Variants in PLA2G6 observed in about 807,000 individuals in gnomAD.
The protein encoded by PLA2G6 is phospholipase A2 group VI.
PLA2G6 carries 62 observed loss-of-function variants against 83.8 expected under a neutral mutation model. The ratio of observed to expected loss-of-function variants is 0.74; its 90% CI spans 0.60 to 0.91. The LOEUF (loss-of-function observed/expected upper bound fraction) is 0.91, where lower values mean the gene tolerates loss of function less well. Among genes scored for constraint, PLA2G6 ranks in the 40% least tolerant of loss-of-function variants. The pLI is 0.00. For missense variants in PLA2G6, 944 were observed against 1,102.0 expected (o/e 0.86, Z 2.03); for synonymous variants, 417 against 449.8 (o/e 0.93, Z 0.92).
intron 2 of PLA2G6, among the ~76,000 whole-genome samples, chr22:38,159,669 G>A (rs1054538442): frequency 6.6e-6 from 1 of 151,896 alleles, no homozygotes; most frequent in African/African-American, 2.4e-5. Flanking sequence ...AGTTGAGGCT[G>A]CAGTGAGCCA....
rs757162306 is a variant in PLA2G6 at position 38,113,622 on chromosome 22, G to A, written c.2067C>T (p.Ile689=). Residue 689 remains isoleucine, a synonymous_variant, in exon 15 of 17, where the codon ATC becomes ATT. Coordinates refer to ENST00000332509, the MANE Select transcript of PLA2G6 (RefSeq NM_003560.4). ...ACCTCCCTGTCCCCAGGGAGACAAC[G>A]ATGGAGAGTTTCTTCACCTTGTTGG... ...GQANKVKKLS[I]VVSLGTGRSP... is the part of the protein sequence containing the mutation. 5.6e-6 allele frequency: 9 copies of A among 1,613,830 alleles called. No individual in the cohort carries two copies. The highest frequency in any genetic ancestry group is 3.3e-5 in the South Asian group (3 of 91,088).
intron 2 of PLA2G6, 126 bp from the exon 3 acceptor site, chr22:38,145,779 A>C: frequency 6.4e-6 from 4 of 626,074 alleles, no homozygotes; most frequent in East Asian, 3.0e-5. Flanking sequence ...CTCCCCTCCC[A>C]AGCAAACACA....
chr22:38,148,459 G>A (rs2089388484), intron 2 of PLA2G6: 3 of 714,388 alleles, frequency 4.2e-6, no homozygotes, highest in Non-Finnish European at 7.8e-6. Flanking sequence ...CTGCTGGCAG[G>A]CACTGGATAC....
chr22:38,126,583 TG>T, intron 9 of PLA2G6, 134 bp from the exon 10 acceptor site: 1 of 695,842 alleles, frequency 1.4e-6, no homozygotes, highest in Non-Finnish European at 2.6e-6. Context: ...CCCTGTCATC[TG>T]TCCCTTCCCC....
intron 2 of PLA2G6, chr22:38,163,703 G>C (rs1050107659): frequency 5.9e-6 from 1 of 169,338 alleles, no homozygotes; most frequent in Non-Finnish European, 1.5e-5. Context: ...GCCGTGTCGG[G>C]GACAAGGCCT....
At chr22:38,159,565 C>CA (rs1174999393) in intron 2 of PLA2G6, among the ~76,000 whole-genome samples, 1 of 151,998 alleles carries the variant, frequency 6.6e-6, no homozygotes. Context: ...CGTGTCTCTA[C>CA]AAAAAATTTT....
chr22:38,151,901 A>G (rs2089579131), intron 2 of PLA2G6, among the ~76,000 whole-genome samples: 1 of 152,290 alleles, frequency 6.6e-6, no homozygotes. Flanking sequence ...AAGAAGACAC[A>G]ATCTTGATTA....
At chr22:38,127,062 G>A (rs11570705) in intron 9 of PLA2G6, 23 of 1,091,512 alleles carry the variant, frequency 2.1e-5, no homozygotes, top group Admixed American at 1.3e-4. Context: ...CCTGCCTGAC[G>A]TCCACCCAAC....
intron 8 of PLA2G6, 67 bp downstream of exon 8, chr22:38,129,387 C>G (rs1033599478): frequency 1.7e-5 from 19 of 1,118,444 alleles, no homozygotes; most frequent in Non-Finnish European, 2.6e-5. Context: ...TGGGACTTCC[C>G]TCCTCCTCGG....
At chr22:38,124,070 T>A (rs550847801) in intron 10 of PLA2G6, among the ~76,000 whole-genome samples, 245 of 152,160 alleles carry the variant, frequency 1.6e-3, no homozygotes, top group African/African-American at 5.5e-3. Context: ...CCCGACCTCA[T>A]GTGATCCGCC....
rs764002301 is a variant in PLA2G6, at chr22:38,120,932, C to T, written c.1592-23G>A. 5.1e-5 allele frequency: 82 copies of T among 1,611,786 alleles called. No individual in the cohort carries two copies. In the East Asian group the frequency reaches 1.4e-3, roughly 28 times the overall value. Reference sequence around the variant, plus strand: ...TACCTAGGAACAAAGGGGTCAGAGGCGGGGAGATGCAGCGGCCACACGCAG... The same window carrying T: ...TACCTAGGAACAAAGGGGTCAGAGGTGGGGAGATGCAGCGGCCACACGCAG... On this transcript the variant is annotated intron_variant, in intron 11 of 16. Transcript: ENST00000332509.
At chr22:38,160,804 C>T (rs1369906076) in intron 2 of PLA2G6, among the ~76,000 whole-genome samples, 3 of 151,928 alleles carry the variant, frequency 2.0e-5, no homozygotes, top group African/African-American at 7.3e-5. Flanking sequence ...GAGATTGCGC[C>T]ACCGCACTCC....
chr22:38,176,037 G>C (rs373101142), intron 1 of PLA2G6, among the ~76,000 whole-genome samples: 2 of 152,062 alleles, frequency 1.3e-5, no homozygotes, highest in Non-Finnish European at 2.9e-5. Context: ...TCTCCACAAC[G>C]GATAGGGAAA....
intron 2 of PLA2G6, 178 bp from the exon 3 acceptor site, chr22:38,145,831 A>ACACACACACACACC (rs1318610641): frequency 3.3e-6 from 2 of 601,240 alleles, no homozygotes; most frequent in African/African-American, 3.9e-5. Flanking sequence ...ACACACACAC[A>ACACACACACACACC]CACCCCTATA....
chr22:38,112,300 T>A lies in PLA2G6; in HGVS notation c.2282A>T (p.Asn761Ile). The A allele has an allele frequency of 6.2e-7, 1 of 1,613,180 alleles. No homozygotes were observed. Among genetic ancestry groups the A allele is most frequent in the Non-Finnish European group, 8.5e-7 (1 of 1,179,756 alleles). ...CATGATGTCCGTCCCCAGCTGGGGG[T>A]TCAATCTGTTCGGGCCAGGGAGGAG... ...EMVGIQYFRL[N>I]PQLGTDIMLD... Residue 761 changes from asparagine to isoleucine, a missense_variant, in exon 17 of 17, where the codon AAC (asparagine) becomes ATC (isoleucine). Transcript: ENST00000332509.
At chr22:38,129,022 C>T (rs971321190) in intron 8 of PLA2G6, among the ~76,000 whole-genome samples, 1 of 152,244 alleles carries the variant, frequency 6.6e-6, no homozygotes, top group Non-Finnish European at 1.5e-5. Context: ...GCTCACTGTG[C>T]GAGCGTGCAG....
chr22:38,115,905 G>A (rs539530139), intron 13 of PLA2G6, 170 bp downstream of exon 13: 37 of 1,463,012 alleles, frequency 2.5e-5, no homozygotes, highest in Non-Finnish European at 3.1e-5. Context: ...AACCTGCCAG[G>A]GGCCTGACAG....
intron 2 of PLA2G6, chr22:38,148,418 C>A: frequency 1.4e-6 from 1 of 698,174 alleles, no homozygotes; most frequent in African/African-American, 1.8e-5. Flanking sequence ...TGAGGACAGC[C>A]AGAAATGCTG....
chr22:38,140,185 G>A lies in PLA2G6; in HGVS notation c.610-16C>T. 1.2e-6 allele frequency: 2 copies of A among 1,613,236 alleles called. No homozygotes were observed. Among genetic ancestry groups the A allele is most frequent in the Non-Finnish European group, 1.7e-6 (2 of 1,179,420 alleles). ...TTCCAAGGAGCTGATGAAAGAGGAA[G>A]GGAAGTTTGACTCCATAGGATGCTG... is the stretch of plus-strand genomic sequence containing the variant. On this transcript the variant is annotated splice_polypyrimidine_tract_variant and intron_variant, in intron 4 of 16. Transcript: ENST00000332509.
Sources: gnomAD v4.1 joint callset for allele counts (sites outside exome capture counted in the v4.1 genomes callset) on GRCh38, gnomAD v4.1.1 for gene constraint, MANE v1.5 for transcripts, NCBI Gene and HGNC (gene_info 2026-07-23, HGNC 2026-07-21) for gene names.